MYOF: variants seen among roughly 807,000 people sequenced by gnomAD.
MYOF encodes fer-1-like 3, myoferlin.
MYOF carries 244 observed loss-of-function variants against 284.2 expected under a neutral mutation model. That is an observed-to-expected ratio of 0.86 (90% CI 0.77 to 0.95). The LOEUF (loss-of-function observed/expected upper bound fraction) is 0.95. Among genes scored for constraint, MYOF ranks in the 40% least tolerant of loss-of-function variants. The pLI is 0.00. For missense variants in MYOF, 2,496 were observed against 2,560.6 expected (o/e 0.97, Z 0.54); for synonymous variants, 904 against 919.7 (o/e 0.98, Z 0.31).
At chr10:93,453,411 G>A (rs548667393) in intron 2 of MYOF, among the ~76,000 whole-genome samples, 6 of 151,822 alleles carry the variant, frequency 4.0e-5, no homozygotes, top group South Asian at 4.2e-4. Context: ...TGATCCACCC[G>A]CCTTGACCTC....
chr10:93,468,653 T>C (rs1156686633), intron 1 of MYOF, among the ~76,000 whole-genome samples: 2 of 152,238 alleles, frequency 1.3e-5, no homozygotes, highest in Admixed American at 1.3e-4. Flanking sequence ...CTTCAGACCC[T>C]GGTGTCTCAT....
At chr10:93,450,847 C>CT (rs59493853) in intron 3 of MYOF, among the ~76,000 whole-genome samples, 11,816 of 151,952 alleles carry the variant, frequency 0.078, 1,304 homozygotes, top group African/African-American at 0.24. Context: ...AAATATCACG[C>CT]TTTTTTTGGC....
chr10:93,470,293 ATAAC>A (rs1370305786), intron 1 of MYOF, among the ~76,000 whole-genome samples: 3 of 152,034 alleles, frequency 2.0e-5, no homozygotes, highest in Non-Finnish European at 2.9e-5. Flanking sequence ...TTAAAATTAA[ATAAC>A]TAAGTACATG....
intron 3 of MYOF, among the ~76,000 whole-genome samples, chr10:93,435,370 A>C (rs577995988): frequency 6.6e-6 from 1 of 152,322 alleles, no homozygotes; most frequent in South Asian, 2.1e-4. Flanking sequence ...TTTTTATGGG[A>C]GGCTATACTG....
intron 23 of MYOF, 72 bp from the exon 24 acceptor site, chr10:93,373,157 T>C (rs2133971337): frequency 6.4e-7 from 1 of 1,565,064 alleles, no homozygotes; most frequent in East Asian, 2.2e-5. Context: ...CCGAAGACCC[T>C]GCAGGCTGGA....
intron 3 of MYOF, among the ~76,000 whole-genome samples, chr10:93,443,964 C>G (rs1589578880): frequency 6.6e-6 from 1 of 152,182 alleles, no homozygotes; most frequent in East Asian, 1.9e-4. Context: ...CTTTCAAATA[C>G]CATGCTCTCC....
chr10:93,351,895 T>C (rs763565021), intron 32 of MYOF, 49 bp from the exon 33 acceptor site: 1 of 1,495,902 alleles, frequency 6.7e-7, no homozygotes, highest in Non-Finnish European at 9.0e-7. Context: ...AAAATCTAAC[T>C]CCCCAGAACC....
intron 5 of MYOF, among the ~76,000 whole-genome samples, chr10:93,419,096 A>G (rs1848251245): frequency 6.6e-6 from 1 of 152,106 alleles, no homozygotes; most frequent in Non-Finnish European, 1.5e-5. Context: ...CACTTTCAAC[A>G]CACTTCTGAA....
intron 3 of MYOF, among the ~76,000 whole-genome samples, chr10:93,444,493 C>T (rs1340794694): frequency 6.6e-6 from 1 of 152,214 alleles, no homozygotes; most frequent in African/African-American, 2.4e-5. Flanking sequence ...TGTATTTGCT[C>T]ACACAGACTC....
At chr10:93,409,393 C>T (rs2134125686) in intron 6 of MYOF, among the ~76,000 whole-genome samples, 180 bp downstream of exon 6, 1 of 152,240 alleles carries the variant, frequency 6.6e-6, no homozygotes. Flanking sequence ...TAGACTAAAC[C>T]CACTTGTGCC....
intron 38 of MYOF, 102 bp from the exon 39 acceptor site, chr10:93,340,266 AATT>A: frequency 8.2e-7 from 1 of 1,225,944 alleles, no homozygotes; most frequent in Non-Finnish European, 1.2e-6. Context: ...AAGAAGCAAA[AATT>A]ATTATTCATG....
chr10:93,390,383 T>C (rs1479911031), intron 17 of MYOF, among the ~76,000 whole-genome samples: 1 of 152,086 alleles, frequency 6.6e-6, no homozygotes, highest in Admixed American at 6.6e-5. Context: ...AAAAGAAACA[T>C]TTAAATGAAA....
In MYOF at chr10:93,373,939, C is replaced by T. The variant is rs565018264; in HGVS notation, c.2301+824G>A. Among the ~76,000 whole-genome samples, 5 of 152,222 alleles carry T rather than the reference C, an allele frequency of 3.3e-5. No homozygotes were observed. In the South Asian group the frequency reaches 1.0e-3, roughly 32 times the overall value. On this transcript the variant is annotated intron_variant, in intron 23 of 53. Coordinates refer to ENST00000359263, the MANE Select transcript of MYOF (RefSeq NM_013451.4). ...GGTTTGTTACATAGGTATACATGTGCCATGTTGGTTTGCTGCACCCATCAA... is the reference window on the plus strand; with the variant it reads ...GGTTTGTTACATAGGTATACATGTGTCATGTTGGTTTGCTGCACCCATCAA...
At chr10:93,363,789 A>G (rs1416573741) in intron 27 of MYOF, among the ~76,000 whole-genome samples, 172 bp downstream of exon 27, 2 of 152,258 alleles carry the variant, frequency 1.3e-5, no homozygotes, top group African/African-American at 4.8e-5. Context: ...TCTATTCTAA[A>G]GAAAATACTT....
At chr10:93,435,983 A>AG (rs1217589360) in intron 3 of MYOF, among the ~76,000 whole-genome samples, 24 of 151,272 alleles carry the variant, frequency 1.6e-4, no homozygotes, top group African/African-American at 5.8e-4. Context: ...AGGGAAAAAA[A>AG]TCTCCTAGAA....
In MYOF at chr10:93,373,020, T is replaced by C. The variant is rs373807193; in HGVS notation, c.2367A>G (p.Ala789=). The stretch of plus-strand genomic sequence containing the variant: ...ACAAGACCTGATGTGCGGGAATTCG[T>C]GCATAGGCCAGTCTCTTCTCTCCCC... ...MIRGEKRLAY[A]RIPAHQVLYS... Residue 789 remains alanine (A), a synonymous_variant, in exon 24 of 54, where the codon GCA becomes GCG. Coordinates refer to ENST00000359263, the MANE Select transcript of MYOF (RefSeq NM_013451.4). 1.2e-6 allele frequency: 2 copies of C among 1,614,072 alleles called. No individual in the cohort carries two copies. Among genetic ancestry groups the C allele is most frequent in the Admixed American group, 1.7e-5 (1 of 60,004 alleles).
intron 1 of MYOF, among the ~76,000 whole-genome samples, chr10:93,480,276 C>T (rs1020437926): frequency 3.3e-5 from 5 of 152,116 alleles, no homozygotes; most frequent in South Asian, 2.1e-4. Context: ...TTAAGCTGGG[C>T]GTGGTAGTTT....
intron 22 of MYOF, among the ~76,000 whole-genome samples, chr10:93,375,795 A>G (rs1168361036): frequency 6.6e-6 from 1 of 152,196 alleles, no homozygotes; most frequent in Non-Finnish European, 1.5e-5. Context: ...CCAACCATGT[A>G]GGCCAAATCT....
At chr10:93,459,075 G>A (rs779429029) in intron 1 of MYOF, among the ~76,000 whole-genome samples, 2 of 152,182 alleles carry the variant, frequency 1.3e-5, no homozygotes, top group East Asian at 1.9e-4. Flanking sequence ...GACGCTCCTC[G>A]TCGGCTTGTG....
Sources: allele counts gnomAD v4.1 joint callset (sites outside exome capture counted in the v4.1 genomes callset), GRCh38; gene constraint gnomAD v4.1.1; transcripts MANE v1.5; gene names NCBI Gene and HGNC (gene_info 2026-07-23, HGNC 2026-07-21).